The following TRIM35 variants were observed in gnomAD, a reference collection of about 807,000 sequenced individuals.
TRIM35 encodes the protein E3 ubiquitin-protein ligase TRIM35.
Under a neutral mutation model 49.1 loss-of-function variants are expected in TRIM35, and 37 were observed. The observed-to-expected ratio is 0.75, with a 90% CI of 0.58 to 0.99. TRIM35 has a LOEUF of 0.99. Among genes scored for constraint, TRIM35 ranks in the 50% least tolerant of loss-of-function variants. The pLI, the probability that TRIM35 is intolerant of heterozygous loss-of-function variation, is 0.00. For synonymous variants in TRIM35, 302 were observed against 289.3 expected (o/e 1.04, Z -0.45); for missense variants, 648 against 702.7 (o/e 0.92, Z 0.88).
At chr8:27,302,329 T>C (rs1414011896) in intron 1 of TRIM35, among the ~76,000 whole-genome samples, 1 of 152,182 alleles carries the variant, frequency 6.6e-6, no homozygotes, top group Non-Finnish European at 1.5e-5. Context: ...GAAGTATATT[T>C]TTCCCTATCA....
chr8:27,307,372 C>T (rs1282835626), intron 1 of TRIM35, among the ~76,000 whole-genome samples: 2 of 152,068 alleles, frequency 1.3e-5, no homozygotes, highest in Non-Finnish European at 2.9e-5. Flanking sequence ...CTCGCCGCCC[C>T]TCAATCAGCT....
intron 1 of TRIM35, among the ~76,000 whole-genome samples, chr8:27,301,931 A>G (rs1371345534): frequency 6.6e-6 from 1 of 152,186 alleles, no homozygotes; most frequent in Non-Finnish European, 1.5e-5. Context: ...ATTTAAAAAG[A>G]CCATTACTGC....
chr8:27,306,806 C>T (rs1353021042), intron 1 of TRIM35, among the ~76,000 whole-genome samples: 1 of 152,180 alleles, frequency 6.6e-6, no homozygotes, highest in African/African-American at 2.4e-5. Flanking sequence ...ATTAAGTAGT[C>T]ACTTGGAACA....
In TRIM35 at chr8:27,298,491, G is replaced by A. The variant is rs528062888; in HGVS notation, c.504C>T (p.Ser168=). The A allele has an allele frequency of 1.4e-5, 22 of 1,614,260 alleles. No homozygotes were observed. The Admixed American group carries it at 2.8e-4, about 21-fold the overall frequency. ...KAKAFWAMRR[S]YEAIAKHNQV... Reference sequence around the variant, plus strand: ...GATTGTGCTTGGCGATGGCCTCATAGGAGCGCCGCATGGCCCAGAAGGCCT... The same window carrying A: ...GATTGTGCTTGGCGATGGCCTCATAAGAGCGCCGCATGGCCCAGAAGGCCT... The change falls in exon 2 of 6, where the codon TCC becomes TCT. Residue 168 remains serine, a synonymous_variant. Transcript: ENST00000305364.
Position 27,311,235 on chromosome 8 carries a change from T to TGGCACGAGCAGCC in TRIM35, c.-13_-1dup, listed in dbSNP as rs756776968. 1.7e-5 allele frequency: 26 copies of TGGCACGAGCAGCC among 1,528,290 alleles called. No individual in the cohort carries two copies. The highest frequency in any genetic ancestry group is 2.8e-5 in the African/African-American group (2 of 72,640). The allele number at this position is 1,528,290 out of a possible 1,614,324, so 94.7% of individuals were successfully genotyped here. A position where few individuals can be genotyped will look rare whatever the true frequency, so the allele number is the denominator to read the frequency against. On this transcript the variant is annotated 5_prime_UTR_variant, in exon 1 of 6. Transcript: ENST00000305364. ...GGGGACACGTCGGGACTCCGCTCCATGGCACGAGCAGCCGGCTCGGGCGCC... is the reference window on the plus strand; with the variant it reads ...GGGGACACGTCGGGACTCCGCTCCATGGCACGAGCAGCCGGCACGAGCAGCCGGCTCGGGCGCC...
Position 27,302,674 on chromosome 8 carries a change from C to G in TRIM35, c.436-4115G>C, listed in dbSNP as rs1295594628. On this transcript the variant is annotated intron_variant, in intron 1 of 5. Coordinates refer to ENST00000305364, the MANE Select transcript of TRIM35 (RefSeq NM_171982.5). ...CCTCCTGCCTCAGCCTCCCAAAGTG[C>G]TGGGATTACAGGTGTAAAACTCCCT... Among the ~76,000 whole-genome samples the G allele has an allele frequency of 2.6e-5, 4 of 152,222 alleles. No homozygotes were observed. In the East Asian group the frequency reaches 7.7e-4, roughly 29 times the overall value.
At chr8:27,307,736 G>A (rs1802816318) in intron 1 of TRIM35, among the ~76,000 whole-genome samples, 1 of 152,192 alleles carries the variant, frequency 6.6e-6, no homozygotes, top group African/African-American at 2.4e-5. Context: ...AAGGCTCCAG[G>A]TGATCTTTAG....
chr8:27,306,078 T>C (rs1802778167), intron 1 of TRIM35, among the ~76,000 whole-genome samples: 1 of 152,116 alleles, frequency 6.6e-6, no homozygotes, highest in Non-Finnish European at 1.5e-5. Context: ...CCCCAAGCAC[T>C]GGGATTACAG....
At chr8:27,307,564 C>A (rs752655314) in intron 1 of TRIM35, among the ~76,000 whole-genome samples, 1 of 152,206 alleles carries the variant, frequency 6.6e-6, no homozygotes, top group African/African-American at 2.4e-5. Context: ...TAGGACTGTC[C>A]GGTCCTGTCC....
intron 1 of TRIM35, among the ~76,000 whole-genome samples, chr8:27,303,775 C>A (rs1802726664): frequency 6.6e-6 from 1 of 152,184 alleles, no homozygotes; most frequent in South Asian, 2.1e-4. Flanking sequence ...CTCACTGCAA[C>A]CTCTGTCTCC....
chr8:27,287,558 C>T lies in TRIM35; in HGVS notation c.1474G>A (p.Asp492Asn). The change falls in exon 6 of 6, where the codon GAT becomes AAT. Residue 492 changes from aspartate to asparagine, a missense_variant. By Grantham distance (23) the Asp-to-Asn change is conservative (BLOSUM62 1). Coordinates refer to ENST00000305364, the MANE Select transcript of TRIM35 (RefSeq NM_171982.5). This position sits in a 1 kb window ranked among gnomAD's most constrained non-coding sequence, Gnocchi z 6.0. ...PLHISVKEEL[D>N]G ...GGCAGCCCCGGGCCAGCTCAGCCAT[C>T]CAGTTCTTCCTTGACACTGATGTGC... 6.3e-7 allele frequency: 1 copy of T among 1,581,058 alleles called. No homozygotes were observed. The highest frequency in any genetic ancestry group is 8.6e-7 in the Non-Finnish European group (1 of 1,162,538).
chr8:27,309,982 C>CAA (rs10561313), intron 1 of TRIM35, among the ~76,000 whole-genome samples: 4 of 131,508 alleles, frequency 3.0e-5, no homozygotes, highest in Non-Finnish European at 1.7e-5. Flanking sequence ...ATAGAGGTCT[C>CAA]AAAAAAAAAA....
intron 5 of TRIM35, 135 bp from the exon 6 acceptor site, chr8:27,288,262 G>T: frequency 1.2e-6 from 1 of 854,304 alleles, no homozygotes; most frequent in Non-Finnish European, 1.8e-6. Context: ...CCCAGGGCTG[G>T]AGTGGTGGCA....
chr8:27,311,201 G>A lies in TRIM35; in HGVS notation c.35C>T (p.Ser12Phe), dbSNP rs1315357495. 1.3e-6 allele frequency: 2 copies of A among 1,595,256 alleles called. No homozygotes were observed. The highest frequency in any genetic ancestry group is 1.7e-5 in the Admixed American group (1 of 58,602). ...ERSPDVSPGP[S>F]RSFKEELLCA... The stretch of plus-strand genomic sequence containing the variant: ...GAGCAACTCCTCCTTGAAGGAGCGG[G>A]AAGGCCCGGGGGACACGTCGGGACT... The change falls in exon 1 of 6, where the codon TCC (serine) becomes TTC (phenylalanine). Residue 12 changes from serine to phenylalanine, a missense_variant. Ser to Phe is a radical substitution (Grantham distance 155, BLOSUM62 -2). Coordinates refer to ENST00000305364, the MANE Select transcript of TRIM35 (RefSeq NM_171982.5).
At chr8:27,290,105 T>C (rs1267739000) in intron 4 of TRIM35, 51 bp downstream of exon 4, 2 of 1,612,382 alleles carry the variant, frequency 1.2e-6, no homozygotes, top group South Asian at 1.1e-5. Flanking sequence ...TTTGCACCCC[T>C]GGTATTTCTG....
intron 1 of TRIM35, among the ~76,000 whole-genome samples, chr8:27,305,882 G>C (rs1178782078): frequency 6.6e-6 from 1 of 152,164 alleles, no homozygotes; most frequent in Non-Finnish European, 1.5e-5. Context: ...CTGTTGCCCA[G>C]GCTGGATGCA....
At chr8:27,306,480 C>T (rs1480610496) in intron 1 of TRIM35, among the ~76,000 whole-genome samples, 1 of 152,066 alleles carries the variant, frequency 6.6e-6, no homozygotes, top group Non-Finnish European at 1.5e-5. Flanking sequence ...TACCTGCCAC[C>T]ATGCCTGGTT....
At chr8:27,295,796 T>C (rs150784701) in intron 2 of TRIM35, among the ~76,000 whole-genome samples, 298 of 152,222 alleles carry the variant, frequency 2.0e-3, no homozygotes, top group African/African-American at 6.0e-3. Context: ...TCTGAAAATA[T>C]ACGAAAAGGA....
rs183178792 is a variant in TRIM35 at position 27,302,220 on chromosome 8, T to C, written c.436-3661A>G. ...ATTAGTACAATATTGTCTCTATAGA[T>C]CAATTTGGGGAAAACTGAAAGGCTT... On this transcript the variant is annotated intron_variant, in intron 1 of 5. Coordinates refer to ENST00000305364, the MANE Select transcript of TRIM35 (RefSeq NM_171982.5). Among the ~76,000 whole-genome samples, 158 of 152,260 alleles carry C rather than the reference T, an allele frequency of 1.0e-3. 1 individual carries two copies. Among genetic ancestry groups the C allele is most frequent in the Non-Finnish European group, 1.4e-3 (98 of 68,022 alleles).
Sources: allele counts gnomAD v4.1 joint callset (sites outside exome capture counted in the v4.1 genomes callset), GRCh38; gene constraint gnomAD v4.1.1; non-coding constraint Gnocchi (gnomAD v3.1); transcripts MANE v1.5; gene names NCBI Gene and HGNC (gene_info 2026-07-23, HGNC 2026-07-21).